Variants in FNDC3A observed in about 807,000 individuals in gnomAD.
FNDC3A encodes fibronectin type III domain containing 3A.
In FNDC3A, 32 loss-of-function variants were observed where a neutral mutation model predicts 148.9. That is an observed-to-expected ratio of 0.21 (90% CI 0.16 to 0.29). The LOEUF is 0.29. Among genes scored for constraint, FNDC3A ranks in the 10% least tolerant of loss-of-function variants. The probability of loss-of-function intolerance (pLI) is 1.00; values close to 1 mark genes in which losing one functional copy is unlikely to be tolerated. For missense variants in FNDC3A, 1,191 were observed against 1,452.8 expected, an observed-to-expected ratio of 0.82 and a Z score of 2.93; for synonymous variants, 472 against 473.6, an observed-to-expected ratio of 1.00 and a Z score of 0.04.
intron 2 of FNDC3A, among the ~76,000 whole-genome samples, chr13:49,055,985 A>G (rs1876209168): frequency 6.6e-6 from 1 of 151,986 alleles, no homozygotes; most frequent in Non-Finnish European, 1.5e-5. Flanking sequence ...CCAGAAGTTC[A>G]AGACCAGCCC....
At chr13:49,027,070 G>T (rs1873768961) in intron 2 of FNDC3A, among the ~76,000 whole-genome samples, 1 of 152,034 alleles carries the variant, frequency 6.6e-6, no homozygotes, top group Non-Finnish European at 1.5e-5. Context: ...ATTCAAAACT[G>T]AAAGAGTGTA....
At chr13:49,114,566 T>C (rs1196077270) in intron 3 of FNDC3A, 89 bp from the exon 4 acceptor site, 43 of 826,006 alleles carry the variant, frequency 5.2e-5, no homozygotes, top group Non-Finnish European at 8.1e-5. Context: ...AGTGTTTAGA[T>C]GAAGTATTCA....
chr13:49,192,438 G>A (rs1454959529), intron 19 of FNDC3A, among the ~76,000 whole-genome samples: 1 of 152,024 alleles, frequency 6.6e-6, no homozygotes, highest in Non-Finnish European at 1.5e-5. Flanking sequence ...GGGACCACAG[G>A]TGTACATCAC....
chr13:49,055,736 A>C (rs1487760859), intron 2 of FNDC3A, among the ~76,000 whole-genome samples: 1 of 152,052 alleles, frequency 6.6e-6, no homozygotes, highest in Non-Finnish European at 1.5e-5. Flanking sequence ...GAACCAATAT[A>C]TATCTTACAT....
At chr13:49,157,633 T>A (rs909512932) in intron 8 of FNDC3A, among the ~76,000 whole-genome samples, 1 of 150,512 alleles carries the variant, frequency 6.6e-6, no homozygotes, top group African/African-American at 2.4e-5. Flanking sequence ...TGTTCTGTTT[T>A]TTCCCCATCT....
chr13:49,165,331 G>A (rs1278178505), intron 8 of FNDC3A, among the ~76,000 whole-genome samples: 1 of 152,116 alleles, frequency 6.6e-6, no homozygotes, highest in Non-Finnish European at 1.5e-5. Flanking sequence ...CATAGGGGAG[G>A]ACTTTTTCCT....
At chr13:49,072,985 T>A (rs1015144019) in intron 2 of FNDC3A, among the ~76,000 whole-genome samples, 1 of 152,202 alleles carries the variant, frequency 6.6e-6, no homozygotes, top group Non-Finnish European at 1.5e-5. Context: ...TCTGGCTGGA[T>A]GTACTAAGCC....
At chr13:49,117,054 G>A (rs566186410) in intron 4 of FNDC3A, among the ~76,000 whole-genome samples, 62 of 152,258 alleles carry the variant, frequency 4.1e-4, no homozygotes, top group Admixed American at 3.6e-3. Context: ...TAAGAAGTAA[G>A]AAGTCTAGAT....
chr13:49,160,063 A>G lies in FNDC3A; in HGVS notation c.978-7181A>G, dbSNP rs538945688. On this transcript the variant is annotated intron_variant, in intron 8 of 25. Coordinates refer to ENST00000492622, the MANE Select transcript of FNDC3A (RefSeq NM_001079673.2). The stretch of plus-strand genomic sequence containing the variant: ...TTTCACATCGATGTTCATCAGGGAT[A>G]TTGGTCTAAAATTCTCTTTTTTTGT... Among the ~76,000 whole-genome samples the G allele has an allele frequency of 1.6e-4, 24 of 152,292 alleles. No individual in the cohort carries two copies. The East Asian group carries it at 4.4e-3, about 28-fold the overall frequency.
intron 3 of FNDC3A, among the ~76,000 whole-genome samples, chr13:49,109,510 C>A (rs930264109): frequency 6.6e-6 from 1 of 152,108 alleles, no homozygotes; most frequent in Non-Finnish European, 1.5e-5. Flanking sequence ...TAATAAATTT[C>A]CTCTGAAGTT....
At chr13:49,045,646 A>G (rs1001238637) in intron 2 of FNDC3A, 17 of 855,164 alleles carry the variant, frequency 2.0e-5, no homozygotes, top group African/African-American at 3.6e-5. Flanking sequence ...CTCTTCTACA[A>G]TACATTTTTT....
chr13:49,017,644 A>G (rs1593476160), intron 2 of FNDC3A, among the ~76,000 whole-genome samples: 2 of 151,782 alleles, frequency 1.3e-5, no homozygotes, highest in East Asian at 3.9e-4. Flanking sequence ...TCCTGTCATT[A>G]TGATGTTAGC....
At chr13:49,131,529 C>T (rs888567643) in intron 5 of FNDC3A, among the ~76,000 whole-genome samples, 155 bp downstream of exon 5, 1 of 152,058 alleles carries the variant, frequency 6.6e-6, no homozygotes, top group African/African-American at 2.4e-5. Context: ...GGTGCTTCAT[C>T]CTCATGATCA....
At chr13:49,020,067 G>A (rs1352337828) in intron 2 of FNDC3A, among the ~76,000 whole-genome samples, 2 of 152,142 alleles carry the variant, frequency 1.3e-5, no homozygotes. Context: ...TATTTGTTAT[G>A]TAAGTGGTAT....
chr13:49,101,794 G>GT (rs570292116), intron 3 of FNDC3A, among the ~76,000 whole-genome samples: 8,701 of 103,338 alleles, frequency 0.084, 310 homozygotes, highest in Admixed American at 0.14. Flanking sequence ...ACCTGCTTTA[G>GT]TTTTTTTTTT....
chr13:48,975,703 G>A (rs1044561568), upstream of FNDC3A: 1 of 152,226 alleles, frequency 6.6e-6, no homozygotes, highest in Non-Finnish European at 1.5e-5. Flanking sequence ...CGGGCCTCGG[G>A]AGAAAGCCGG....
rs1882363603 is a variant in FNDC3A, at chr13:49,136,436, G to C, written c.595G>C (p.Asp199His). The C allele has an allele frequency of 4.3e-6, 7 of 1,614,070 alleles. No homozygotes were observed. The highest frequency in any genetic ancestry group is 5.9e-6 in the Non-Finnish European group (7 of 1,180,000). ...GAAGGATCGCCAAGGAACACAGAAA[G>C]ATAAAATGAGCAGTCCACCATCATC... ...KLKDRQGTQKDKMSSPPSSPQ... is the reference protein window; with the variant it reads ...KLKDRQGTQKHKMSSPPSSPQ... Residue 199 changes from aspartate to histidine, a missense_variant, in exon 6 of 26, where the codon GAT becomes CAT. Transcript: ENST00000492622.
intron 12 of FNDC3A, among the ~76,000 whole-genome samples, chr13:49,174,806 CAAAG>C (rs1213938969): frequency 2.0e-5 from 3 of 152,106 alleles, no homozygotes; most frequent in African/African-American, 4.8e-5. Context: ...TTATATGTGA[CAAAG>C]AGATTTTTCT....
intron 2 of FNDC3A, among the ~76,000 whole-genome samples, chr13:49,052,807 G>A (rs1875937151): frequency 6.6e-6 from 1 of 152,164 alleles, no homozygotes; most frequent in Admixed American, 6.5e-5. Context: ...ATTGTCTTCA[G>A]CTACCAGGGC....
Sources: allele counts gnomAD v4.1 joint callset (sites outside exome capture counted in the v4.1 genomes callset), GRCh38; gene constraint gnomAD v4.1.1; transcripts MANE v1.5; gene names NCBI Gene and HGNC (gene_info 2026-07-23, HGNC 2026-07-21).